ZFHX4: variants seen among roughly 807,000 people sequenced by gnomAD.
The protein encoded by ZFHX4 is zinc finger homeobox 4.
A neutral mutation model predicts 267.6 loss-of-function variants in ZFHX4; 56 were observed. The observed-to-expected ratio is 0.21, with a 90% CI of 0.17 to 0.26. The LOEUF (loss-of-function observed/expected upper bound fraction) is 0.26, where lower values mean the gene tolerates loss of function less well. Ranked by LOEUF, ZFHX4 falls within the 10% of genes least tolerant of loss-of-function variation. ZFHX4 has a pLI of 1.00. For synonymous variants in ZFHX4, 1,778 were observed against 1,665.6 expected (o/e 1.07, Z -1.64); for missense variants, 4,332 against 4,420.0 (o/e 0.98, Z 0.56).
At chr8:76,783,150 A>G (rs1460107581) in intron 4 of ZFHX4, among the ~76,000 whole-genome samples, 2 of 152,014 alleles carry the variant, frequency 1.3e-5, no homozygotes, top group Non-Finnish European at 2.9e-5. Context: ...CATAAATGAT[A>G]GTGTGAATCT....
At chr8:76,750,603 C>T (rs1809587906) in intron 3 of ZFHX4, among the ~76,000 whole-genome samples, 3 of 152,106 alleles carry the variant, frequency 2.0e-5, no homozygotes. Flanking sequence ...TTCCAAACTG[C>T]GTCTTTGTGA....
At chr8:76,687,642 A>C (rs956858439) in intron 1 of ZFHX4, among the ~76,000 whole-genome samples, 1 of 152,176 alleles carries the variant, frequency 6.6e-6, no homozygotes. Flanking sequence ...TAACATAATC[A>C]TATTTAAAAT....
Position 76,778,405 on chromosome 8 carries a change from C to A in ZFHX4, c.3291C>A (p.Ile1097=), listed in dbSNP as rs375999260. ...CAGAGGAGGACAACCTCAGTGAGATCTTTTTTGTTAAAGATTGCCCACCAA... is the reference window on the plus strand; with the variant it reads ...CAGAGGAGGACAACCTCAGTGAGATATTTTTTGTTAAAGATTGCCCACCAA... The part of the protein sequence containing the change: ...LAPEEDNLSE[I]FFVKDCPPNE... Residue 1097 remains isoleucine, a synonymous_variant, in exon 4 of 11, where the codon ATC becomes ATA. Coordinates refer to ENST00000651372, the MANE Select transcript of ZFHX4 (RefSeq NM_024721.5). 1.9e-6 allele frequency: 3 copies of A among 1,613,674 alleles called. No homozygotes were observed. Among genetic ancestry groups the A allele is most frequent in the South Asian group, 1.1e-5 (1 of 91,076 alleles).
At chr8:76,693,503 G>C (rs962113930) in intron 1 of ZFHX4, 1 of 151,578 alleles carries the variant, frequency 6.6e-6, no homozygotes, top group Non-Finnish European at 1.5e-5. Flanking sequence ...AAGAAATTGA[G>C]TGTGTATGTG....
chr8:76,717,794 G>A (rs1391915264), intron 3 of ZFHX4, among the ~76,000 whole-genome samples: 3 of 151,846 alleles, frequency 2.0e-5, no homozygotes, highest in Non-Finnish European at 2.9e-5. Context: ...ACGAGGTTTC[G>A]CTATGTTGCC....
At chr8:76,845,691 A>C (rs1208668464) in intron 6 of ZFHX4, among the ~76,000 whole-genome samples, 2 of 151,986 alleles carry the variant, frequency 1.3e-5, no homozygotes, top group African/African-American at 4.8e-5. Context: ...TTATGAGTAT[A>C]AACCGTTTAC....
At chr8:76,860,958 ATAAAG>A (rs1350756740) in intron 10 of ZFHX4, among the ~76,000 whole-genome samples, 1 of 152,180 alleles carries the variant, frequency 6.6e-6, no homozygotes, top group Non-Finnish European at 1.5e-5. Flanking sequence ...AACTGTAGGA[ATAAAG>A]GCAAGGGAGT....
Position 76,705,851 on chromosome 8 carries a change from C to T in ZFHX4, c.1763C>T (p.Pro588Leu), listed in dbSNP as rs913815458. 2 of 1,613,758 alleles carry T rather than the reference C, an allele frequency of 1.2e-6. No individual in the cohort carries two copies. The highest frequency in any genetic ancestry group is 1.7e-6 in the Non-Finnish European group (2 of 1,179,872). The change falls in exon 2 of 11, where the codon CCT (proline) becomes CTT (leucine). Residue 588 changes from proline to leucine, a missense_variant. By Grantham distance (98) the Pro-to-Leu change is moderately conservative (BLOSUM62 -3). Transcript: ENST00000651372. ...GGAGACGAAGACAGTTCAGCCACTCCTCACCAGCATGGCTTTACCCCGAGT... is the reference window on the plus strand; with the variant it reads ...GGAGACGAAGACAGTTCAGCCACTCTTCACCAGCATGGCTTTACCCCGAGT... ...ARGDEDSSAT[P>L]HQHGFTPSTP...
intron 4 of ZFHX4, among the ~76,000 whole-genome samples, chr8:76,823,350 G>A (rs1416562563): frequency 6.6e-6 from 1 of 152,160 alleles, no homozygotes; most frequent in African/African-American, 2.4e-5. Flanking sequence ...AGTCCAAAGA[G>A]AGCAGTGTGC....
chr8:76,806,637 GA>G (rs1465505459), intron 4 of ZFHX4, among the ~76,000 whole-genome samples: 1 of 151,914 alleles, frequency 6.6e-6, no homozygotes, highest in Non-Finnish European at 1.5e-5. Context: ...GAGATTAAAA[GA>G]ACTAAGCTTT....
chr8:76,696,748 A>G (rs900260357), intron 1 of ZFHX4, among the ~76,000 whole-genome samples: 2 of 151,950 alleles, frequency 1.3e-5, no homozygotes, highest in South Asian at 2.1e-4. Context: ...TATTTCATCT[A>G]GAAGAAAACT....
intron 4 of ZFHX4, among the ~76,000 whole-genome samples, chr8:76,814,445 C>T (rs904266323): frequency 6.6e-6 from 1 of 152,036 alleles, no homozygotes; most frequent in African/African-American, 2.4e-5. Flanking sequence ...TAACCTGAGA[C>T]CCATGGACCC....
intron 3 of ZFHX4, among the ~76,000 whole-genome samples, chr8:76,759,192 T>G (rs1809844466): frequency 6.6e-6 from 1 of 152,208 alleles, no homozygotes; most frequent in Non-Finnish European, 1.5e-5. Context: ...ATAGATGTTA[T>G]TCCTATATAT....
intron 7 of ZFHX4, 146 bp downstream of exon 7, chr8:76,849,274 C>T (rs1253677689): frequency 9.9e-7 from 1 of 1,008,652 alleles, no homozygotes; most frequent in East Asian, 2.6e-5. Flanking sequence ...CTCTAATGTT[C>T]TAAAGTCATC....
chr8:76,780,925 G>A (rs1362033818), intron 4 of ZFHX4, among the ~76,000 whole-genome samples: 1 of 152,022 alleles, frequency 6.6e-6, no homozygotes, highest in Non-Finnish European at 1.5e-5. Context: ...TTCTTTAGTT[G>A]GATTGACTTT....
chr8:76,714,700 C>T (rs1808519069), intron 3 of ZFHX4, among the ~76,000 whole-genome samples: 2 of 152,180 alleles, frequency 1.3e-5, no homozygotes, highest in African/African-American at 2.4e-5. Context: ...TGAACACTTA[C>T]TATGTGAAAG....
chr8:76,800,337 G>A (rs563882847), intron 4 of ZFHX4, among the ~76,000 whole-genome samples: 12 of 152,246 alleles, frequency 7.9e-5, no homozygotes, highest in Non-Finnish European at 1.5e-4. Context: ...CCATTCCTAT[G>A]GGTCAAGTGC....
intron 4 of ZFHX4, among the ~76,000 whole-genome samples, chr8:76,797,010 A>T (rs917192562): frequency 3.3e-5 from 5 of 152,304 alleles, no homozygotes; most frequent in African/African-American, 1.2e-4. Flanking sequence ...TAAAGCGACC[A>T]TATCTAGAAC....
chr8:76,776,108 A>G (rs1035662620), intron 3 of ZFHX4, among the ~76,000 whole-genome samples: 4 of 151,946 alleles, frequency 2.6e-5, no homozygotes, highest in African/African-American at 9.7e-5. Flanking sequence ...ACTTGAATCA[A>G]CAAGCATAAG....
Sources: allele counts gnomAD v4.1 joint callset (sites outside exome capture counted in the v4.1 genomes callset), GRCh38; gene constraint gnomAD v4.1.1; transcripts MANE v1.5; gene names NCBI Gene and HGNC (gene_info 2026-07-23, HGNC 2026-07-21).